The following DDX11 variants were observed in gnomAD, a reference collection of about 807,000 sequenced individuals.
The protein encoded by DDX11 is DEAD/H-box helicase 11.
DDX11 carries 72 observed loss-of-function variants against 125.2 expected under a neutral mutation model. The observed-to-expected ratio is 0.58, with a 90% CI of 0.48 to 0.70. The LOEUF is 0.70. DDX11 is among the 30% of genes least tolerant of loss of function. The pLI is 0.00. For missense variants in DDX11, 883 were observed against 1,165.0 expected, an observed-to-expected ratio of 0.76 and a Z score of 3.52; for synonymous variants, 347 against 452.6, an observed-to-expected ratio of 0.77 and a Z score of 2.96.
chr12:31,102,185 A>C, intron 21 of DDX11, 58 bp from the exon 22 acceptor site: 2 of 1,582,712 alleles, frequency 1.3e-6, no homozygotes, highest in Non-Finnish European at 1.7e-6. Flanking sequence ...GGCCACGAGC[A>C]GACTCGAGAC....
intron 10 of DDX11, 56 bp downstream of exon 10, chr12:31,091,927 A>G: frequency 3.7e-6 from 6 of 1,611,354 alleles, no homozygotes; most frequent in Non-Finnish European, 5.1e-6. Flanking sequence ...AGGGACTTGG[A>G]TGGTTCCTCC....
At chr12:31,099,053 T>C (rs1311737679) in intron 18 of DDX11, among the ~76,000 whole-genome samples, 1 of 149,766 alleles carries the variant, frequency 6.7e-6, no homozygotes, top group Non-Finnish European at 1.5e-5. Context: ...GTTTTCAGAA[T>C]GAATCCATAC....
intron 14 of DDX11, among the ~76,000 whole-genome samples, chr12:31,095,807 G>A (rs905820769): frequency 6.6e-6 from 1 of 152,008 alleles, no homozygotes; most frequent in African/African-American, 2.4e-5. Flanking sequence ...TGGGTCTCGG[G>A]TCTCATCACT....
At chr12:31,103,519 A>G in intron 25 of DDX11, 58 bp from the exon 26 acceptor site, 2 of 1,613,072 alleles carry the variant, frequency 1.2e-6, no homozygotes, top group Non-Finnish European at 1.7e-6. Flanking sequence ...CGCCGTGGGA[A>G]TGTGCTGTAG....
intron 12 of DDX11, chr12:31,093,643 C>T (rs990508479): frequency 1.9e-5 from 7 of 365,066 alleles, no homozygotes; most frequent in Non-Finnish European, 3.7e-5. Flanking sequence ...CTTGCTCAAA[C>T]CCGGGAGGCG....
At chr12:31,100,508 A>G (rs923247443) in intron 18 of DDX11, 127 bp from the exon 19 acceptor site, 25 of 792,934 alleles carry the variant, frequency 3.2e-5, no homozygotes, top group Non-Finnish European at 6.0e-6. Context: ...GTTTGCCATC[A>G]GCCTTTTCTT....
At chr12:31,086,863 G>A (rs1054707819) in intron 5 of DDX11, among the ~76,000 whole-genome samples, 5 of 137,374 alleles carry the variant, frequency 3.6e-5, no homozygotes, top group Admixed American at 7.5e-5. Flanking sequence ...TCCAGCATGC[G>A]ACATAAGATT....
chr12:31,101,103 G>A lies in DDX11; in HGVS notation c.2025G>A (p.Thr675=), dbSNP rs543344084. 40 of 1,614,172 alleles carry A rather than the reference G, an allele frequency of 2.5e-5. 1 individual carries two copies. Among genetic ancestry groups the A allele is most frequent in the African/African-American group, 2.4e-4 (18 of 75,050 alleles). ...TCTCCAACCAGCCGCTGGAATTCAC[G>A]TTCCAGAAAAGAGAGCTGCCTCAGA... ...SGISNQPLEF[T]FQKRELPQMM... The change falls in exon 20 of 27, where the codon ACG becomes ACA. Residue 675 remains threonine, a synonymous_variant. Coordinates refer to ENST00000542838, the MANE Select transcript of DDX11 (RefSeq NM_030653.4).
At position 31,084,007 on chromosome 12, in the gene DDX11, G is replaced by C; in HGVS notation, c.339G>C (p.Trp113Cys). Residue 113 changes from tryptophan (W) to cysteine (C), a missense_variant, in exon 3 of 27, where the codon TGG (tryptophan) becomes TGC (cysteine). Trp to Cys is a radical substitution (Grantham distance 215). Transcript: ENST00000542838. ...CGAGGCCTGCTGGAGAACCGGCCTGGGTTACTCAGTTTGTGCAGAAGAAAG... is the reference window on the plus strand; with the variant it reads ...CGAGGCCTGCTGGAGAACCGGCCTGCGTTACTCAGTTTGTGCAGAAGAAAG... ...GTPRPAGEPAWVTQFVQKKEE... is the reference protein window; with the variant it reads ...GTPRPAGEPACVTQFVQKKEE... 1.2e-6 allele frequency: 2 copies of C among 1,613,952 alleles called. No homozygotes were observed. The highest frequency in any genetic ancestry group is 1.7e-6 in the Non-Finnish European group (2 of 1,179,878).
rs953502552 is a variant in DDX11 at position 31,100,770 on chromosome 12, G to T, written c.1948+63G>T. Reference sequence around the variant, plus strand: ...CAGGTTCTGGCCCCCGTTTTCTGTGGGTAATACCTCATACTGCGACCAGGC... The same window carrying T: ...CAGGTTCTGGCCCCCGTTTTCTGTGTGTAATACCTCATACTGCGACCAGGC... On this transcript the variant is annotated intron_variant, in intron 19 of 26. Transcript: ENST00000542838. The T allele has an allele frequency of 7.1e-6, 11 of 1,540,132 alleles. No homozygotes were observed. The African/African-American group carries it at 1.5e-4, about 21-fold the overall frequency.
At chr12:31,084,545 C>T in intron 3 of DDX11, 38 bp from the exon 4 acceptor site, 1 of 1,567,824 alleles carries the variant, frequency 6.4e-7, no homozygotes, top group Non-Finnish European at 8.7e-7. Flanking sequence ...TGGTTTTGGG[C>T]TTCCTTGGTG....
At chr12:31,086,582 C>T (rs1943205486) in intron 5 of DDX11, among the ~76,000 whole-genome samples, 1 of 152,180 alleles carries the variant, frequency 6.6e-6, no homozygotes, top group Non-Finnish European at 1.5e-5. Context: ...CCTCCGAGGT[C>T]ATGTTTCTGC....
At chr12:31,081,369 T>C (rs1281230895) in intron 2 of DDX11, among the ~76,000 whole-genome samples, 3 of 152,208 alleles carry the variant, frequency 2.0e-5, no homozygotes, top group Non-Finnish European at 4.4e-5. Context: ...TACCATGCCC[T>C]TCCCCGCCGT....
At chr12:31,103,057 G>A in intron 24 of DDX11, 37 bp downstream of exon 24, 2 of 1,607,646 alleles carry the variant, frequency 1.2e-6, no homozygotes. Flanking sequence ...TGACAGGAGA[G>A]TAGGCAGTGG....
At position 31,090,120 on chromosome 12, in the gene DDX11, C is replaced by T. The variant is rs763066760; in HGVS notation, c.1089+26C>T. 31 of 1,548,964 alleles carry T rather than the reference C, an allele frequency of 2.0e-5. No individual in the cohort carries two copies. In the Middle Eastern group the frequency reaches 1.1e-3, roughly 56 times the overall value. On this transcript the variant is annotated intron_variant, in intron 9 of 26. Transcript: ENST00000542838. The stretch of plus-strand genomic sequence containing the variant: ...GTGAGGGCCCTGCAGGGCCAGAAAG[C>T]CGCTCTTGACTCTCACTGTGGTCTA...
rs10587699 is a variant in DDX11 at position 31,096,018 on chromosome 12, CT to C, written c.1483-311del. Among the ~76,000 whole-genome samples the C allele has an allele frequency of 3.1e-3, 469 of 150,028 alleles. 1 individual carries two copies. The highest frequency in any genetic ancestry group is 8.7e-3 in the African/African-American group (358 of 41,098). On this transcript the variant is annotated intron_variant, in intron 14 of 26. Transcript: ENST00000542838. ...TCTGTGGCTTTGCTCATAGAAGTTC[CT>C]TTTTTTTTTTTAACTCTTTGTCACC...
Position 31,103,694 on chromosome 12 carries a change from A to G in DDX11, c.2654A>G (p.Lys885Arg). The change falls in exon 26 of 27, where the codon AAA becomes AGA. Residue 885 changes from lysine (K) to arginine (R), a missense_variant. Coordinates refer to ENST00000542838, the MANE Select transcript of DDX11 (RefSeq NM_030653.4). ...TGGATCCGAGCCCGTGTGGAGGTCAAAGCTACCTTTGGCCCCGCCATTGCT... is the reference window on the plus strand; with the variant it reads ...TGGATCCGAGCCCGTGTGGAGGTCAGAGCTACCTTTGGCCCCGCCATTGCT... ...PAWIRARVEV[K>R]ATFGPAIAAV... 1.2e-6 allele frequency: 2 copies of G among 1,613,874 alleles called. No individual in the cohort carries two copies. The highest frequency in any genetic ancestry group is 1.7e-6 in the Non-Finnish European group (2 of 1,179,994).
chr12:31,084,764 C>T, intron 4 of DDX11, 95 bp downstream of exon 4: 1 of 1,260,512 alleles, frequency 7.9e-7, no homozygotes, highest in Non-Finnish European at 1.1e-6. Flanking sequence ...GGTCTCCCCT[C>T]CGTGACCCTC....
At chr12:31,103,548 T>C in intron 25 of DDX11, 29 bp from the exon 26 acceptor site, 3 of 1,613,678 alleles carry the variant, frequency 1.9e-6, no homozygotes, top group Non-Finnish European at 2.5e-6. Context: ...CAGGTGTTGC[T>C]CGGAGCCCCA....
Sources: allele counts gnomAD v4.1 joint callset (sites outside exome capture counted in the v4.1 genomes callset), GRCh38; gene constraint gnomAD v4.1.1; transcripts MANE v1.5; gene names NCBI Gene and HGNC (gene_info 2026-07-23, HGNC 2026-07-21).